The following CADPS2 variants were observed in gnomAD, a reference collection of about 807,000 sequenced individuals.
CADPS2 encodes the protein calcium dependent secretion activator 2, also known as calcium-dependent secretion activator 2.
In CADPS2, 93 loss-of-function variants were observed where a neutral mutation model predicts 172.5. The ratio of observed to expected loss-of-function variants is 0.54; its 90% CI spans 0.46 to 0.64. The LOEUF (loss-of-function observed/expected upper bound fraction) is 0.64, where lower values mean the gene tolerates loss of function less well. Among genes scored for constraint, CADPS2 ranks in the 30% least tolerant of loss-of-function variants. The probability of loss-of-function intolerance (pLI) is 0.00; values close to 1 mark genes in which losing one functional copy is unlikely to be tolerated. For missense variants in CADPS2, 1,420 were observed against 1,565.9 expected, an observed-to-expected ratio of 0.91 and a Z score of 1.57; for synonymous variants, 546 against 555.2, an observed-to-expected ratio of 0.98 and a Z score of 0.23.
chr7:122,876,760 T>C (rs761408127), intron 1 of CADPS2, among the ~76,000 whole-genome samples: 6 of 152,280 alleles, frequency 3.9e-5, no homozygotes, highest in Non-Finnish European at 7.4e-5. Context: ...TGAAAAATTA[T>C]GTTATATCTG....
intron 1 of CADPS2, among the ~76,000 whole-genome samples, chr7:122,759,084 T>C (rs752632211): frequency 2.0e-5 from 3 of 152,120 alleles, no homozygotes; most frequent in Non-Finnish European, 4.4e-5. Context: ...ACTACATTTC[T>C]ATGAAGTTGA....
chr7:122,584,876 T>C (rs763023666), intron 6 of CADPS2, among the ~76,000 whole-genome samples: 24 of 152,134 alleles, frequency 1.6e-4, no homozygotes, highest in Middle Eastern at 6.8e-3. Flanking sequence ...ATATTGATCA[T>C]GTAAAATAAT....
At chr7:122,875,054 G>T (rs1820842703) in intron 1 of CADPS2, among the ~76,000 whole-genome samples, 1 of 152,210 alleles carries the variant, frequency 6.6e-6, no homozygotes, top group South Asian at 2.1e-4. Flanking sequence ...ATTAAAGCAT[G>T]GGACTAGGCA....
chr7:122,424,432 C>A (rs971200269), intron 17 of CADPS2: 1 of 522,140 alleles, frequency 1.9e-6, no homozygotes, highest in African/African-American at 2.1e-5. Flanking sequence ...TGGGCTGAAT[C>A]CAAACTGAGC....
chr7:122,620,256 ATTAAAG>A (rs2075432910), intron 5 of CADPS2, among the ~76,000 whole-genome samples: 2 of 152,228 alleles, frequency 1.3e-5, no homozygotes, highest in South Asian at 4.1e-4. Context: ...AGAGCTATGA[ATTAAAG>A]TGTCACATTG....
intron 20 of CADPS2, among the ~76,000 whole-genome samples, chr7:122,404,754 T>A (rs529694764): frequency 3.9e-5 from 6 of 152,298 alleles, no homozygotes; most frequent in African/African-American, 1.2e-4. Context: ...TGCCTCATTT[T>A]AAAATAACCC....
chr7:122,870,726 T>C (rs1437393366), intron 1 of CADPS2, among the ~76,000 whole-genome samples: 2 of 152,144 alleles, frequency 1.3e-5, no homozygotes, highest in East Asian at 1.9e-4. Flanking sequence ...AAGCATCACA[T>C]TGTACCAGAC....
chr7:122,386,412 A>C (rs1186530178), intron 24 of CADPS2: 1 of 650,448 alleles, frequency 1.5e-6, no homozygotes, highest in Non-Finnish European at 2.4e-6. Context: ...AAAAGGCAAC[A>C]AAATCAACTT....
intron 7 of CADPS2, among the ~76,000 whole-genome samples, chr7:122,555,551 G>C (rs965570268): frequency 1.3e-5 from 2 of 152,046 alleles, no homozygotes; most frequent in African/African-American, 4.8e-5. Context: ...CTGAAGTTTA[G>C]ATATGAATGG....
intron 1 of CADPS2, among the ~76,000 whole-genome samples, chr7:122,836,682 G>C (rs1389898362): frequency 6.6e-6 from 1 of 151,944 alleles, no homozygotes; most frequent in Non-Finnish European, 1.5e-5. Context: ...AGACAAAGAA[G>C]GCCATTACAT....
chr7:122,656,361 T>C (rs2079792403), intron 3 of CADPS2, among the ~76,000 whole-genome samples: 1 of 152,044 alleles, frequency 6.6e-6, no homozygotes, highest in African/African-American at 2.4e-5. Flanking sequence ...CACTGAAAAC[T>C]TATCCCAGGT....
chr7:122,710,679 A>C (rs1026459158), intron 2 of CADPS2, among the ~76,000 whole-genome samples: 1 of 152,070 alleles, frequency 6.6e-6, no homozygotes, highest in Non-Finnish European at 1.5e-5. Flanking sequence ...CCAGCTAATA[A>C]AATTCCCATC....
At chr7:122,334,554 C>A (rs1400396327) in intron 28 of CADPS2, among the ~76,000 whole-genome samples, 1 of 152,176 alleles carries the variant, frequency 6.6e-6, no homozygotes, top group Non-Finnish European at 1.5e-5. Context: ...GGCTTTTGAG[C>A]TAAGAACCCA....
Position 122,761,009 on chromosome 7 carries a change from T to C in CADPS2, c.340-23941A>G, listed in dbSNP as rs557774304. Reference sequence around the variant, plus strand: ...TCAGACACTGTCAGCATCTAATACTTCTGGCACTGTATGGGTAAAAGCAGG... The same window carrying C: ...TCAGACACTGTCAGCATCTAATACTCCTGGCACTGTATGGGTAAAAGCAGG... On this transcript the variant is annotated intron_variant, in intron 1 of 29. Transcript: ENST00000449022. Among the ~76,000 whole-genome samples, 10 of 152,280 alleles carry C rather than the reference T, an allele frequency of 6.6e-5. No individual in the cohort carries two copies. In the East Asian group the frequency reaches 1.9e-3, roughly 29 times the overall value.
Position 122,636,142 on chromosome 7 carries a change from G to A in CADPS2, c.787-6814C>T, listed in dbSNP as rs2077044690. ...TGTGAGATTTTGATCCTGTTATTTCGTTAGCTGGTTGTTTTTGTAGACTTG... is the reference window on the plus strand; with the variant it reads ...TGTGAGATTTTGATCCTGTTATTTCATTAGCTGGTTGTTTTTGTAGACTTG... On this transcript the variant is annotated intron_variant, in intron 3 of 29. Transcript: ENST00000449022. Among the ~76,000 whole-genome samples the A allele has an allele frequency of 2.6e-5, 4 of 152,196 alleles. No homozygotes were observed. The South Asian group carries it at 6.2e-4, about 24-fold the overall frequency.
Position 122,725,628 on chromosome 7 carries a change from T to A in CADPS2, c.453+11327A>T, listed in dbSNP as rs148877343. On this transcript the variant is annotated intron_variant, in intron 2 of 29. Transcript: ENST00000449022. Reference sequence around the variant, plus strand: ...CTTAACACCAGTCAGAATGGCTTATTACTAAAAAGTCAAAAAATGGCCAGG... The same window carrying A: ...CTTAACACCAGTCAGAATGGCTTATAACTAAAAAGTCAAAAAATGGCCAGG... Among the ~76,000 whole-genome samples, 1,149 of 143,504 alleles carry A rather than the reference T, an allele frequency of 8.0e-3. 9 individuals are homozygous for A. The highest frequency in any genetic ancestry group is 0.023 in the Middle Eastern group (6 of 260). 94.1% of individuals were successfully genotyped at this position (143,504 alleles called of 152,430 possible). A position where few individuals can be genotyped will look rare whatever the true frequency, so the allele number is the denominator to read the frequency against.
chr7:122,563,553 G>GC (rs1563714165), intron 7 of CADPS2, among the ~76,000 whole-genome samples: 2 of 151,736 alleles, frequency 1.3e-5, no homozygotes, highest in East Asian at 1.9e-4. Context: ...ATTTTATATC[G>GC]CCCCCCTCAA....
At chr7:122,803,137 A>T (rs901436411) in intron 1 of CADPS2, among the ~76,000 whole-genome samples, 1 of 152,192 alleles carries the variant, frequency 6.6e-6, no homozygotes, top group Non-Finnish European at 1.5e-5. Context: ...TTGTCACAAC[A>T]TATATAAACT....
chr7:122,664,796 T>A (rs2081006827), intron 2 of CADPS2, among the ~76,000 whole-genome samples: 1 of 152,012 alleles, frequency 6.6e-6, no homozygotes, highest in African/African-American at 2.4e-5. Context: ...TTTTTTTTCT[T>A]TTTTTTGAAA....
Sources: gnomAD v4.1 joint callset for allele counts (sites outside exome capture counted in the v4.1 genomes callset) on GRCh38, gnomAD v4.1.1 for gene constraint, MANE v1.5 for transcripts, NCBI Gene and HGNC (gene_info 2026-07-23, HGNC 2026-07-21) for gene names.